The following PDXK variants were observed in gnomAD, a reference collection of about 807,000 sequenced individuals.
The protein encoded by PDXK is epididymis secretory sperm binding protein Li 1a.
PDXK carries 15 observed loss-of-function variants against 43.2 expected under a neutral mutation model. The observed-to-expected ratio is 0.35, with a 90% CI of 0.23 to 0.53. The LOEUF (loss-of-function observed/expected upper bound fraction) is 0.53, where lower values mean the gene tolerates loss of function less well. Ranked by LOEUF, PDXK falls within the 20% of genes least tolerant of loss-of-function variation. The pLI is 0.92. For synonymous variants in PDXK, 172 were observed against 165.4 expected, an observed-to-expected ratio of 1.04 and a Z score of -0.31; for missense variants, 343 against 417.0, an observed-to-expected ratio of 0.82 and a Z score of 1.54.
chr21:43,750,434 TCAA>T, intron 6 of PDXK, 63 bp from the exon 7 acceptor site: 1 of 1,420,664 alleles, frequency 7.0e-7, no homozygotes, highest in Middle Eastern at 1.8e-4. Context: ...TTGGGGAATG[TCAA>T]CACACAACCC....
At chr21:43,751,147 C>T (rs1474502338) in intron 7 of PDXK, among the ~76,000 whole-genome samples, 7 of 152,158 alleles carry the variant, frequency 4.6e-5, no homozygotes, top group African/African-American at 1.2e-4. Flanking sequence ...CCTTTTTCTC[C>T]GGGACTTGGA....
intron 1 of PDXK, among the ~76,000 whole-genome samples, chr21:43,725,125 CA>C (rs941991919): frequency 6.6e-6 from 1 of 151,868 alleles, no homozygotes; most frequent in African/African-American, 2.4e-5. Context: ...AGATCGAGAC[CA>C]GTCTGGCTAA....
In PDXK at chr21:43,748,523, G is replaced by T. The variant is rs566375592; in HGVS notation, c.379-472G>T. The stretch of plus-strand genomic sequence containing the variant: ...AAAACAAAAAAGTGTTGAATTGTTT[G>T]TCAGGCAACTTAGACAAAAACTAGA... On this transcript the variant is annotated intron_variant, in intron 5 of 10. Transcript: ENST00000291565. 410 of 154,598 alleles carry T rather than the reference G, an allele frequency of 2.7e-3. 1 individual carries two copies. Among genetic ancestry groups the T allele is most frequent in the Non-Finnish European group, 3.7e-3 (256 of 69,402 alleles). The allele number at this position is 154,598 out of a possible 1,614,324, so 9.6% of individuals were successfully genotyped here. A position where few individuals can be genotyped will look rare whatever the true frequency, so the allele number is the denominator to read the frequency against.
In PDXK at chr21:43,737,622, G is replaced by C; in HGVS notation, c.142+3499G>C. 5.1e-6 allele frequency: 5 copies of C among 988,184 alleles called. No homozygotes were observed. Among genetic ancestry groups the C allele is most frequent in the Non-Finnish European group, 6.0e-6 (5 of 832,096 alleles). 61.2% of individuals were successfully genotyped at this position (988,184 alleles called of 1,614,324 possible). A position where few individuals can be genotyped will look rare whatever the true frequency, so the allele number is the denominator to read the frequency against. ...CTTGGTGGTCCCTGCTGCAGGGAAG[G>C]GGCAGCTGGTGTGAACACAAGGAGC... is the stretch of plus-strand genomic sequence containing the variant. On this transcript the variant is annotated intron_variant, in intron 2 of 10. Transcript: ENST00000291565. This position sits in a 1 kb window ranked among gnomAD's most constrained non-coding sequence, Gnocchi z 4.8.
intron 1 of PDXK, among the ~76,000 whole-genome samples, chr21:43,729,290 C>T (rs1473277085): frequency 6.6e-6 from 1 of 152,254 alleles, no homozygotes; most frequent in Non-Finnish European, 1.5e-5. Context: ...GGCAGAGAGC[C>T]CCAGTCCTGA....
At chr21:43,751,554 A>AAAAACAAAAC (rs921854601) in intron 7 of PDXK, among the ~76,000 whole-genome samples, 2 of 152,212 alleles carry the variant, frequency 1.3e-5, no homozygotes, top group South Asian at 2.1e-4. Context: ...CTCCATCTCA[A>AAAAACAAAAC]AAAACAAAAC....
rs780161841 is a variant in PDXK at position 43,756,076 on chromosome 21, T to C, written c.*13T>C. 6.6e-7 allele frequency: 1 copy of C among 1,518,086 alleles called. No homozygotes were observed. The highest frequency in any genetic ancestry group is 1.1e-5 in the South Asian group (1 of 87,806). 94.0% of individuals were successfully genotyped at this position (1,518,086 alleles called of 1,614,324 possible). The stretch of plus-strand genomic sequence containing the variant: ...CACGGTGCTGTGAGGGCCCCGCCGC[T>C]TGCCCGTGACACGCAGCGCGTTGGT... On this transcript the variant is annotated 3_prime_UTR_variant, in exon 11 of 11. Transcript: ENST00000291565.
chr21:43,742,226 C>A (rs1306599584), intron 3 of PDXK, among the ~76,000 whole-genome samples: 1 of 152,206 alleles, frequency 6.6e-6, no homozygotes, highest in Non-Finnish European at 1.5e-5. Flanking sequence ...GTGGCCCAGG[C>A]TGTAGTGCAA....
chr21:43,753,348 G>C (rs1023791055), intron 8 of PDXK, among the ~76,000 whole-genome samples: 1 of 152,162 alleles, frequency 6.6e-6, no homozygotes, highest in African/African-American at 2.4e-5. Context: ...GTTTCACAGC[G>C]ACCCCCGAGG....
chr21:43,735,712 G>A lies in PDXK; in HGVS notation c.142+1589G>A, dbSNP rs939625674. Among the ~76,000 whole-genome samples the A allele has an allele frequency of 6.6e-6, 1 of 152,070 alleles. No homozygotes were observed. The highest frequency in any genetic ancestry group is 2.1e-4 in the South Asian group (1 of 4,818). ...TAGCCAGCTCAGTCTATGGCTGTGG[G>A]CTGGCTCCCAGCCCCCTGTACCCAC... On this transcript the variant is annotated intron_variant, in intron 2 of 10. Transcript: ENST00000291565. This position sits in a 1 kb window ranked among gnomAD's most constrained non-coding sequence, Gnocchi z 5.3.
In PDXK at chr21:43,734,377, A is replaced by G. The variant is rs1196470753; in HGVS notation, c.142+254A>G. 6.6e-6 allele frequency among the ~76,000 whole-genome samples: 1 copy of G among 151,752 alleles called. No individual in the cohort carries two copies. Among genetic ancestry groups the G allele is most frequent in the African/African-American group, 2.4e-5 (1 of 41,290 alleles). ...GCTTTGAGGCTGTGTGACCCAGTGC[A>G]GGTGGCAGAACCTCTCGGTGCTTCA... On this transcript the variant is annotated intron_variant, in intron 2 of 10. Coordinates refer to ENST00000291565, the MANE Select transcript of PDXK (RefSeq NM_003681.5). This position sits in a 1 kb window ranked among gnomAD's most constrained non-coding sequence, Gnocchi z 5.0.
At chr21:43,728,160 C>G (rs957111914) in intron 1 of PDXK, among the ~76,000 whole-genome samples, 3 of 152,146 alleles carry the variant, frequency 2.0e-5, no homozygotes, top group Admixed American at 2.0e-4. Flanking sequence ...GGAGACTGCT[C>G]TGGGGGGCTC....
chr21:43,737,231 G>T lies in PDXK; in HGVS notation c.142+3108G>T, dbSNP rs933247941. On this transcript the variant is annotated intron_variant, in intron 2 of 10. Transcript: ENST00000291565. The surrounding 1 kb of genome is among the most constrained non-coding windows in gnomAD (Gnocchi z 4.8). The stretch of plus-strand genomic sequence containing the variant: ...TTGGTTCCCTGACGCCCTTCAGGCT[G>T]GGGGGTGGGAAAGCCGATCCCCCAA... The T allele has an allele frequency of 4.2e-6, 6 of 1,424,232 alleles. No homozygotes were observed. The highest frequency in any genetic ancestry group is 5.5e-6 in the Non-Finnish European group (6 of 1,091,930). The allele number at this position is 1,424,232 out of a possible 1,614,324, so 88.2% of individuals were successfully genotyped here. A position where few individuals can be genotyped will look rare whatever the true frequency, so the allele number is the denominator to read the frequency against.
intron 2 of PDXK, chr21:43,738,430 C>T (rs1421393629): frequency 1.3e-5 from 2 of 152,198 alleles, no homozygotes; most frequent in African/African-American, 4.8e-5. Flanking sequence ...TGTATTAGTC[C>T]GTTCTCACAC....
chr21:43,752,389 A>C, intron 7 of PDXK, 129 bp from the exon 8 acceptor site: 1 of 645,628 alleles, frequency 1.5e-6, no homozygotes, highest in Admixed American at 2.2e-5. Context: ...GCTCTGGGGG[A>C]GTGGGGTGTG....
chr21:43,742,905 G>A (rs1345607587), intron 3 of PDXK, among the ~76,000 whole-genome samples: 1 of 152,110 alleles, frequency 6.6e-6, no homozygotes, highest in Non-Finnish European at 1.5e-5. Context: ...GCTTATTACT[G>A]AAAGTAGAAA....
chr21:43,736,287 G>A (rs1299525753), intron 2 of PDXK, among the ~76,000 whole-genome samples: 1 of 152,106 alleles, frequency 6.6e-6, no homozygotes, highest in African/African-American at 2.4e-5. Context: ...GTTCTGCTCC[G>A]GGCACCCTTG....
In PDXK at chr21:43,760,500, G is replaced by A. The variant is rs2083917393; in HGVS notation, c.*4437G>A. 6.6e-6 allele frequency: 1 copy of A among 152,162 alleles called. No individual in the cohort carries two copies. The highest frequency in any genetic ancestry group is 1.5e-5 in the Non-Finnish European group (1 of 67,996). 9.4% of individuals were successfully genotyped at this position (152,162 alleles called of 1,614,324 possible). A position where few individuals can be genotyped will look rare whatever the true frequency, so the allele number is the denominator to read the frequency against. On this transcript the variant is annotated 3_prime_UTR_variant, in exon 11 of 11. Transcript: ENST00000291565. ...CGGAATCTTGGAATTTTTATAGACA[G>A]CACCTCAGTTTCTGACTCCAGCCGC...
At position 43,741,796 on chromosome 21, in the gene PDXK, A is replaced by G. The variant is rs551114431; in HGVS notation, c.247+25A>G. ...GGTAGGTGCCGGAGCAAGCTGCCGC[A>G]GGGGACTACGCACCCCACTCCAGCC... On this transcript the variant is annotated intron_variant, in intron 3 of 10. Transcript: ENST00000291565. 2.0e-5 allele frequency: 29 copies of G among 1,481,622 alleles called. No individual in the cohort carries two copies. The South Asian group carries it at 2.9e-4, about 15-fold the overall frequency. The allele number at this position is 1,481,622 out of a possible 1,614,324, so 91.8% of individuals were successfully genotyped here. A position where few individuals can be genotyped will look rare whatever the true frequency, so the allele number is the denominator to read the frequency against.
Sources: gnomAD v4.1 joint callset for allele counts (sites outside exome capture counted in the v4.1 genomes callset) on GRCh38, gnomAD v4.1.1 for gene constraint, Gnocchi (gnomAD v3.1) non-coding constraint, MANE v1.5 for transcripts, NCBI Gene and HGNC (gene_info 2026-07-23, HGNC 2026-07-21) for gene names.